Variants in BABAM2 observed in about 807,000 individuals in gnomAD.
The protein encoded by BABAM2 is BRISC and BRCA1-A complex member 2.
In BABAM2, 31 loss-of-function variants were observed where a neutral mutation model predicts 54.7. That is an observed-to-expected ratio of 0.57 (90% CI 0.43 to 0.77). The LOEUF is 0.77. Among genes scored for constraint, BABAM2 ranks in the 30% least tolerant of loss-of-function variants. BABAM2 has a pLI of 0.00. For missense variants in BABAM2, 364 were observed against 455.8 expected, an observed-to-expected ratio of 0.80 and a Z score of 1.83; for synonymous variants, 167 against 162.9, an observed-to-expected ratio of 1.03 and a Z score of -0.19.
chr2:28,136,514 G>A (rs1481245813), intron 7 of BABAM2, among the ~76,000 whole-genome samples: 1 of 152,252 alleles, frequency 6.6e-6, no homozygotes, highest in Non-Finnish European at 1.5e-5. Context: ...CTATGTGCAT[G>A]TTAAGGCGGT....
chr2:28,076,055 C>T (rs72814426), intron 6 of BABAM2, among the ~76,000 whole-genome samples: 1 of 151,910 alleles, frequency 6.6e-6, no homozygotes, highest in African/African-American at 2.4e-5. Flanking sequence ...CTTGGGCCCA[C>T]GAGTTAGAGA....
At chr2:28,196,065 C>T (rs552537666) in intron 7 of BABAM2, among the ~76,000 whole-genome samples, 8 of 152,208 alleles carry the variant, frequency 5.3e-5, no homozygotes, top group South Asian at 4.1e-4. Context: ...TGGTGGCTTA[C>T]GCCTGTAATC....
intron 4 of BABAM2, among the ~76,000 whole-genome samples, chr2:28,019,199 C>T (rs997916348): frequency 2.0e-5 from 3 of 152,204 alleles, no homozygotes; most frequent in Non-Finnish European, 2.9e-5. Context: ...TTTATGGCTG[C>T]ATAGTATTCC....
chr2:28,312,128 A>T (rs573353928), intron 11 of BABAM2, among the ~76,000 whole-genome samples: 1 of 152,200 alleles, frequency 6.6e-6, no homozygotes, highest in Non-Finnish European at 1.5e-5. Flanking sequence ...GCTTGTTTCT[A>T]TCACTTCTCA....
chr2:27,908,722 C>T (rs867446273), intron 2 of BABAM2, among the ~76,000 whole-genome samples: 2 of 152,102 alleles, frequency 1.3e-5, no homozygotes, highest in South Asian at 2.1e-4. Flanking sequence ...TTTTTTGTTT[C>T]TGTGTTAATT....
intron 7 of BABAM2, among the ~76,000 whole-genome samples, chr2:28,235,343 A>AT (rs1681806237): frequency 1.3e-5 from 2 of 150,600 alleles, no homozygotes; most frequent in Admixed American, 6.6e-5. Flanking sequence ...CGCCCAGCTA[A>AT]TTTTTCTATT....
intron 5 of BABAM2, 104 bp from the exon 6 acceptor site, chr2:28,045,621 G>T: frequency 4.6e-6 from 4 of 869,036 alleles, no homozygotes; most frequent in Non-Finnish European, 6.8e-6. Flanking sequence ...CCAAATTGAA[G>T]ATGCCTGCAT....
intron 6 of BABAM2, among the ~76,000 whole-genome samples, chr2:28,059,567 C>T (rs1266633266): frequency 6.6e-6 from 1 of 152,160 alleles, no homozygotes; most frequent in Non-Finnish European, 1.5e-5. Context: ...ATAGTGTTGG[C>T]ATTCTTAGTC....
At chr2:28,132,661 G>C (rs1173723457) in intron 7 of BABAM2, among the ~76,000 whole-genome samples, 1 of 152,002 alleles carries the variant, frequency 6.6e-6, no homozygotes, top group Non-Finnish European at 1.5e-5. Context: ...CTTTTTCTAA[G>C]GCCTTATTCA....
chr2:28,239,585 C>G (rs1682226240), intron 8 of BABAM2, among the ~76,000 whole-genome samples: 1 of 152,162 alleles, frequency 6.6e-6, no homozygotes. Context: ...TGTAATACTC[C>G]TTATTCTGAA....
At chr2:27,935,586 T>C (rs561446483) in intron 3 of BABAM2, among the ~76,000 whole-genome samples, 2 of 152,370 alleles carry the variant, frequency 1.3e-5, no homozygotes, top group Admixed American at 6.5e-5. Context: ...ATAAACTTAG[T>C]TGATAAAGCT....
intron 10 of BABAM2, among the ~76,000 whole-genome samples, chr2:28,250,098 G>C (rs918005238): frequency 6.6e-6 from 1 of 152,142 alleles, no homozygotes; most frequent in Non-Finnish European, 1.5e-5. Context: ...AAGATGCTGT[G>C]AGGAGATGCT....
chr2:27,889,323 A>G (rs1282665032), upstream of BABAM2, among the ~76,000 whole-genome samples: 1 of 152,234 alleles, frequency 6.6e-6, no homozygotes, highest in Non-Finnish European at 1.5e-5. Context: ...TACCCTTTGG[A>G]AAAGCAACAT....
rs921293770 is a variant in BABAM2, at chr2:28,049,256, G to A, written c.570+3457G>A. ...TCATACAAAAATATGGAGGCAAATTGTTTTATCCCACTGAACTGGAGGGTT... is the reference window on the plus strand; with the variant it reads ...TCATACAAAAATATGGAGGCAAATTATTTTATCCCACTGAACTGGAGGGTT... On this transcript the variant is annotated intron_variant, in intron 6 of 11. Coordinates refer to ENST00000379624, the MANE Select transcript of BABAM2 (RefSeq NM_199191.3). Among the ~76,000 whole-genome samples the A allele has an allele frequency of 5.3e-5, 8 of 152,280 alleles. No individual in the cohort carries two copies. The South Asian group carries it at 1.2e-3, about 24-fold the overall frequency.
At chr2:28,337,202 G>A (rs1198244625) in intron 11 of BABAM2, among the ~76,000 whole-genome samples, 1 of 152,254 alleles carries the variant, frequency 6.6e-6, no homozygotes, top group Non-Finnish European at 1.5e-5. Context: ...CTGGTGACCA[G>A]GAGCACGGGT....
chr2:28,211,513 G>T (rs1052625685), intron 7 of BABAM2, among the ~76,000 whole-genome samples: 6 of 149,330 alleles, frequency 4.0e-5, no homozygotes, highest in African/African-American at 1.5e-4. Flanking sequence ...TCAGCCTCCC[G>T]AGTAGCTGGG....
chr2:28,086,799 C>T (rs965449100), intron 6 of BABAM2, among the ~76,000 whole-genome samples: 1 of 152,320 alleles, frequency 6.6e-6, no homozygotes, highest in Non-Finnish European at 1.5e-5. Context: ...AGCACATCTT[C>T]TGTTTCTAAT....
intron 11 of BABAM2, among the ~76,000 whole-genome samples, chr2:28,336,458 G>A (rs1036918721): frequency 2.0e-5 from 3 of 152,186 alleles, no homozygotes; most frequent in Admixed American, 6.5e-5. Context: ...GAAGTTTGAG[G>A]GGAGGGAGGG....
At chr2:28,305,227 CT>C (rs1390895598) in intron 11 of BABAM2, among the ~76,000 whole-genome samples, 4 of 151,968 alleles carry the variant, frequency 2.6e-5, no homozygotes, top group African/African-American at 7.2e-5. Context: ...AAGAGGTTTT[CT>C]TTTTTTCTTT....
Sources: gnomAD v4.1 joint callset for allele counts (sites outside exome capture counted in the v4.1 genomes callset) on GRCh38, gnomAD v4.1.1 for gene constraint, MANE v1.5 for transcripts, NCBI Gene and HGNC (gene_info 2026-07-23, HGNC 2026-07-21) for gene names.